LSAMP: variants seen among roughly 807,000 people sequenced by gnomAD.
The protein encoded by LSAMP is limbic system-associated membrane protein.
LSAMP carries 7 observed loss-of-function variants against 38.6 expected under a neutral mutation model. The ratio of observed to expected loss-of-function variants is 0.18; its 90% confidence interval spans 0.10 to 0.34. The LOEUF is 0.34. Among genes scored for constraint, LSAMP ranks in the 10% least tolerant of loss-of-function variants. LSAMP has a pLI of 1.00. For missense variants in LSAMP, 313 were observed against 420.0 expected (o/e 0.75, Z 2.23); for synonymous variants, 154 against 166.8 (o/e 0.92, Z 0.59).
chr3:116,211,149 T>C (rs1335692926), intron 1 of LSAMP, among the ~76,000 whole-genome samples: 3 of 151,968 alleles, frequency 2.0e-5, no homozygotes, highest in African/African-American at 7.3e-5. Flanking sequence ...GCTAAACTCA[T>C]AGAAGCAGAA....
At chr3:115,907,086 C>G (rs1008220035) in intron 3 of LSAMP, among the ~76,000 whole-genome samples, 4 of 152,102 alleles carry the variant, frequency 2.6e-5, no homozygotes, top group South Asian at 2.1e-4. Flanking sequence ...GACTGTTAAA[C>G]AACTCCAGCA....
At chr3:116,217,451 G>A (rs139415209) in intron 1 of LSAMP, among the ~76,000 whole-genome samples, 1 of 152,200 alleles carries the variant, frequency 6.6e-6, no homozygotes, top group African/African-American at 2.4e-5. Context: ...TTCATGGTTT[G>A]TTTACAAATG....
In LSAMP at chr3:116,254,395, G is replaced by GA. The variant is rs1301267490; in HGVS notation, c.156-167840dup. Among the ~76,000 whole-genome samples the GA allele has an allele frequency of 8.0e-4, 120 of 150,936 alleles. 1 individual carries two copies. The Middle Eastern group carries it at 0.024, about 30-fold the overall frequency. On this transcript the variant is annotated intron_variant, in intron 1 of 6. Transcript: ENST00000490035. ...TGGAAAGTGAAGAGATTATTAAAGAGAAAAAAATTAAAGAAAGAGGAGGGG... is the reference window on the plus strand; with the variant it reads ...TGGAAAGTGAAGAGATTATTAAAGAGAAAAAAAATTAAAGAAAGAGGAGGGG...
intron 6 of LSAMP, among the ~76,000 whole-genome samples, chr3:115,824,633 C>T (rs1019065248): frequency 2.0e-5 from 3 of 149,092 alleles, no homozygotes; most frequent in Non-Finnish European, 3.0e-5. Context: ...ACCCAGGAGG[C>T]GGAGGTTGCA....
chr3:115,967,318 C>A (rs1403979052), intron 3 of LSAMP, among the ~76,000 whole-genome samples: 1 of 152,180 alleles, frequency 6.6e-6, no homozygotes, highest in Non-Finnish European at 1.5e-5. Context: ...CACCATTGCA[C>A]CAGTTCCCAA....
intron 3 of LSAMP, among the ~76,000 whole-genome samples, chr3:115,997,820 A>G (rs1300007731): frequency 6.9e-6 from 1 of 144,664 alleles, no homozygotes; most frequent in Non-Finnish European, 1.5e-5. Context: ...ATACTAATAT[A>G]TGTATTTTAT....
In LSAMP at chr3:116,131,711, A is replaced by T. The variant is rs1709138629; in HGVS notation, c.156-45155T>A. ...TCTTCCTCGTTGCTTAGGCTCTTTA[A>T]GTCAAGTTTTCTGTATCTTGTAGCC... On this transcript the variant is annotated intron_variant, in intron 1 of 6. Transcript: ENST00000490035. Among the ~76,000 whole-genome samples the T allele has an allele frequency of 2.6e-5, 4 of 152,268 alleles. No homozygotes were observed. In the South Asian group the frequency reaches 8.3e-4, roughly 32 times the overall value.
intron 1 of LSAMP, among the ~76,000 whole-genome samples, chr3:116,309,307 A>G (rs1450417037): frequency 1.3e-5 from 2 of 152,094 alleles, no homozygotes; most frequent in Non-Finnish European, 2.9e-5. Context: ...GGAATTAAGA[A>G]TTACTTTCTA....
chr3:116,285,478 A>C (rs1465106036), intron 1 of LSAMP, among the ~76,000 whole-genome samples: 1 of 151,956 alleles, frequency 6.6e-6, no homozygotes, highest in African/African-American at 2.4e-5. Context: ...AAACTTTTGC[A>C]TGGCTCATTC....
At chr3:116,363,998 G>C (rs2048322427) in intron 1 of LSAMP, among the ~76,000 whole-genome samples, 1 of 23,402 alleles carries the variant, frequency 4.3e-5, no homozygotes. Flanking sequence ...CATAGTGTTG[G>C]AAGTTCTGGC....
At chr3:116,195,920 G>A (rs958882691) in intron 1 of LSAMP, among the ~76,000 whole-genome samples, 2 of 152,078 alleles carry the variant, frequency 1.3e-5, no homozygotes, top group Admixed American at 6.5e-5. Flanking sequence ...CATACTTAGC[G>A]ATGTTTATAT....
chr3:116,320,124 C>T (rs2047688094), intron 1 of LSAMP, among the ~76,000 whole-genome samples: 1 of 152,136 alleles, frequency 6.6e-6, no homozygotes, highest in South Asian at 2.1e-4. Context: ...GAAATAATAA[C>T]ACTAATGAGG....
intron 1 of LSAMP, among the ~76,000 whole-genome samples, chr3:116,348,115 C>T (rs2048088027): frequency 6.6e-6 from 1 of 151,950 alleles, no homozygotes; most frequent in South Asian, 2.1e-4. Flanking sequence ...TTTGAACCAT[C>T]AACTATACAG....
At chr3:115,925,853 T>C (rs761474885) in intron 3 of LSAMP, among the ~76,000 whole-genome samples, 1 of 152,126 alleles carries the variant, frequency 6.6e-6, no homozygotes, top group Non-Finnish European at 1.5e-5. Context: ...AGGAATATGA[T>C]GGACTGAATA....
At chr3:116,165,944 C>A (rs977744330) in intron 1 of LSAMP, among the ~76,000 whole-genome samples, 4 of 152,140 alleles carry the variant, frequency 2.6e-5, no homozygotes, top group Non-Finnish European at 5.9e-5. Context: ...CTCTAAAGCC[C>A]TTATTACCAT....
intron 1 of LSAMP, among the ~76,000 whole-genome samples, chr3:116,201,039 G>A (rs919640699): frequency 2.0e-5 from 3 of 152,234 alleles, no homozygotes; most frequent in East Asian, 3.9e-4. Context: ...TGAGGAGCAC[G>A]CTTAGCCAAC....
intron 1 of LSAMP, among the ~76,000 whole-genome samples, chr3:116,181,923 A>G (rs1710494294): frequency 6.6e-6 from 1 of 151,964 alleles, no homozygotes; most frequent in African/African-American, 2.4e-5. Context: ...TCACCCAGGT[A>G]ACTGTGTTTC....
intron 1 of LSAMP, among the ~76,000 whole-genome samples, chr3:116,261,669 C>T (rs2046827783): frequency 6.6e-6 from 1 of 152,036 alleles, no homozygotes. Context: ...TTTCTGAAGA[C>T]TAAGTTCTTC....
At chr3:115,909,541 G>A (rs1470202621) in intron 3 of LSAMP, among the ~76,000 whole-genome samples, 1 of 152,182 alleles carries the variant, frequency 6.6e-6, no homozygotes, top group African/African-American at 2.4e-5. Context: ...TCCCCGTCCA[G>A]TACATCTTGG....
Sources: allele counts gnomAD v4.1 joint callset (sites outside exome capture counted in the v4.1 genomes callset), GRCh38; gene constraint gnomAD v4.1.1; transcripts MANE v1.5; gene names NCBI Gene and HGNC (gene_info 2026-07-23, HGNC 2026-07-21).